RYR2: variants seen among roughly 807,000 people sequenced by gnomAD.
The protein encoded by RYR2 is ryanodine receptor 2.
In RYR2, 227 loss-of-function variants were observed where a neutral mutation model predicts 601.1. The observed-to-expected ratio is 0.38, with a 90% confidence interval of 0.34 to 0.42. The LOEUF (loss-of-function observed/expected upper bound fraction) is 0.42. Among genes scored for constraint, RYR2 ranks in the 10% least tolerant of loss-of-function variants. The pLI, the probability that RYR2 is intolerant of heterozygous loss-of-function variation, is 1.00. For synonymous variants in RYR2, 2,223 were observed against 2,175.1 expected (o/e 1.02, Z -0.61); for missense variants, 4,646 against 6,156.5 (o/e 0.75, Z 8.21).
At position 237,590,800 on chromosome 1, in the gene RYR2, C is replaced by A; in HGVS notation, c.3968C>A (p.Pro1323His). The part of the protein sequence containing the change: ...VFSKTVAGGL[P>H]GAGLFGPKND... ...TCCAAGACGGTGGCTGGAGGGCTCC[C>A]TGGGGCTGGCCTTTTTGGGCCCAAG... The change falls in exon 31 of 105, where the codon CCT becomes CAT. Residue 1323 changes from proline (P) to histidine (H), a missense_variant. This residue lies in a region of RYR2 where 1,807 missense variants were observed against 2,088.1 expected (regional missense o/e 0.87). Transcript: ENST00000366574. The A allele has an allele frequency of 2.5e-6, 4 of 1,613,862 alleles. No individual in the cohort carries two copies. Among genetic ancestry groups the A allele is most frequent in the Non-Finnish European group, 3.4e-6 (4 of 1,179,848 alleles).
chr1:237,728,133 G>C (rs1690346351), intron 76 of RYR2, among the ~76,000 whole-genome samples: 1 of 151,940 alleles, frequency 6.6e-6, no homozygotes, highest in Non-Finnish European at 1.5e-5. Flanking sequence ...TCAGCACCTA[G>C]AACAGTGACT....
intron 5 of RYR2, among the ~76,000 whole-genome samples, chr1:237,364,658 T>G (rs1334955015): frequency 2.6e-5 from 4 of 152,058 alleles, no homozygotes; most frequent in African/African-American, 9.7e-5. Context: ...ACGTTTAGAT[T>G]TAACAACTCA....
At chr1:237,599,881 G>T (rs895617591) in intron 34 of RYR2, among the ~76,000 whole-genome samples, 1 of 151,310 alleles carries the variant, frequency 6.6e-6, no homozygotes, top group East Asian at 1.9e-4. Context: ...TCTCTACACT[G>T]CAATCTATAA....
At chr1:237,696,016 A>G (rs1199200104) in intron 63 of RYR2, among the ~76,000 whole-genome samples, 1 of 152,194 alleles carries the variant, frequency 6.6e-6, no homozygotes, top group Admixed American at 6.5e-5. Context: ...CTTACATCCC[A>G]GAGACAGTCC....
At chr1:237,248,323 A>G (rs934208266) in intron 1 of RYR2, among the ~76,000 whole-genome samples, 1 of 115,426 alleles carries the variant, frequency 8.7e-6, no homozygotes, top group Non-Finnish European at 1.6e-5. Context: ...TATCATTTGA[A>G]AAAAAAATCC....
rs1558117178 is a variant in RYR2 at position 237,639,188 on chromosome 1, T to G, written c.7102T>G (p.Ser2368Ala). ...AGATGGTCCCTCACCAAATAGCGGA[T>G]CCAGTAAAACACTGTAGGTCTAATA... ...SRDGPSPNSG[S>A]SKTLDTEEEE... The change falls in exon 46 of 105, where the codon TCC becomes GCC. Residue 2368 changes from serine to alanine, a missense_variant. Physicochemically the swap from Ser to Ala is moderately conservative, Grantham distance 99. Around this residue, in one of 17 missense-constraint regions of RYR2, gnomAD observed 1,497 missense variants for 1,842.6 expected, o/e 0.81. Transcript: ENST00000366574. 6 of 1,613,102 alleles carry G rather than the reference T, an allele frequency of 3.7e-6. No individual in the cohort carries two copies. Among genetic ancestry groups the G allele is most frequent in the Non-Finnish European group, 1.7e-6 (2 of 1,179,272 alleles).
At chr1:237,753,258 C>T (rs545584003) in intron 80 of RYR2, among the ~76,000 whole-genome samples, 20 of 152,160 alleles carry the variant, frequency 1.3e-4, no homozygotes, top group South Asian at 2.1e-4. Context: ...CCATCGATGA[C>T]GAGCAAGGGA....
At chr1:237,591,157 T>A (rs1177562710) in intron 31 of RYR2, among the ~76,000 whole-genome samples, 165 bp downstream of exon 31, 1 of 9,156 alleles carries the variant, frequency 1.1e-4, no homozygotes, top group Non-Finnish European at 3.1e-4. Flanking sequence ...CCCCTCCTCC[T>A]CTTCCCCCTT....
chr1:237,150,973 T>C lies in RYR2; in HGVS notation c.48+108404T>C, dbSNP rs73119318. 4.3e-3 allele frequency among the ~76,000 whole-genome samples: 652 copies of C among 152,310 alleles called. 2 individuals carry two copies. The highest frequency in any genetic ancestry group is 0.015 in the African/African-American group (604 of 41,558). On this transcript the variant is annotated intron_variant, in intron 1 of 104. Coordinates refer to ENST00000366574, the MANE Select transcript of RYR2 (RefSeq NM_001035.3). ...CTTGGAGAACCTTTCTTCTTTTAGA[T>C]CTCAGGGTTTCGATTTTGAAAGTGA...
chr1:237,095,988 A>G (rs1667466978), intron 1 of RYR2, among the ~76,000 whole-genome samples: 1 of 152,204 alleles, frequency 6.6e-6, no homozygotes, highest in South Asian at 2.1e-4. Context: ...TTCATTTCTC[A>G]TGCAGAGGTC....
At chr1:237,750,189 A>G (rs1692427189) in intron 80 of RYR2, among the ~76,000 whole-genome samples, 2 of 152,160 alleles carry the variant, frequency 1.3e-5, no homozygotes, top group Admixed American at 6.5e-5. Context: ...TCTTCTGTAC[A>G]TACATACGTA....
At chr1:237,092,406 T>C (rs1401193352) in intron 1 of RYR2, among the ~76,000 whole-genome samples, 1 of 152,234 alleles carries the variant, frequency 6.6e-6, no homozygotes, top group African/African-American at 2.4e-5. Context: ...CTTATGTGAC[T>C]GTCTGTGCTA....
chr1:237,557,110 C>T (rs976751711), intron 27 of RYR2, among the ~76,000 whole-genome samples: 2 of 152,218 alleles, frequency 1.3e-5, no homozygotes, highest in African/African-American at 2.4e-5. Context: ...GGCTAAAGAA[C>T]TCGCTTCCTC....
At chr1:237,669,482 C>A (rs553254916) in intron 58 of RYR2, among the ~76,000 whole-genome samples, 1 of 146,304 alleles carries the variant, frequency 6.8e-6, no homozygotes, top group South Asian at 2.3e-4. Flanking sequence ...ACCTCCCGGA[C>A]GGGGCGGCTG....
At chr1:237,677,793 T>C (rs529806408) in intron 60 of RYR2, among the ~76,000 whole-genome samples, 1 of 152,316 alleles carries the variant, frequency 6.6e-6, no homozygotes, top group Admixed American at 6.5e-5. Flanking sequence ...ATCTCAAAGC[T>C]ACACAAATGT....
chr1:237,323,973 C>T lies in RYR2; in HGVS notation c.169-6905C>T, dbSNP rs144735879. Among the ~76,000 whole-genome samples the T allele has an allele frequency of 2.6e-3, 401 of 152,186 alleles. 2 individuals carry two copies. Among genetic ancestry groups the T allele is most frequent in the Middle Eastern group, 0.01 (3 of 294 alleles). On this transcript the variant is annotated intron_variant, in intron 2 of 104. Coordinates refer to ENST00000366574, the MANE Select transcript of RYR2 (RefSeq NM_001035.3). Reference sequence around the variant, plus strand: ...TGGAGGCAATAATGTTAACCTCTGGCGCAAAGTGGGATGAAGGGAAAAAGA... The same window carrying T: ...TGGAGGCAATAATGTTAACCTCTGGTGCAAAGTGGGATGAAGGGAAAAAGA...
intron 17 of RYR2, among the ~76,000 whole-genome samples, chr1:237,475,176 G>A (rs1661265077): frequency 6.6e-6 from 1 of 152,182 alleles, no homozygotes; most frequent in Admixed American, 6.5e-5. Context: ...TTCAATAAGT[G>A]AGCTAACACA....
chr1:237,729,859 A>G (rs1386390722), intron 76 of RYR2, among the ~76,000 whole-genome samples: 1 of 152,162 alleles, frequency 6.6e-6, no homozygotes, highest in Non-Finnish European at 1.5e-5. Flanking sequence ...ATTGACACTG[A>G]TTACATTGCT....
chr1:237,591,564 G>A (rs1675204791), intron 31 of RYR2, among the ~76,000 whole-genome samples, 175 bp from the exon 32 acceptor site: 2 of 152,012 alleles, frequency 1.3e-5, no homozygotes, highest in African/African-American at 4.8e-5. Flanking sequence ...GATGCCAGTA[G>A]CACTCCATCC....
Sources: gnomAD v4.1 joint callset for allele counts (sites outside exome capture counted in the v4.1 genomes callset) on GRCh38, gnomAD v4.1.1 for gene constraint, gnomAD v4.1.1 regional missense constraint, MANE v1.5 for transcripts, NCBI Gene and HGNC (gene_info 2026-07-23, HGNC 2026-07-21) for gene names.